Variants in TMEM132B observed in about 807,000 individuals in gnomAD.
TMEM132B encodes transmembrane protein 132B.
In TMEM132B, 18 loss-of-function variants were observed where a neutral mutation model predicts 90.8. The observed-to-expected ratio is 0.20, with a 90% confidence interval of 0.14 to 0.29. The LOEUF (loss-of-function observed/expected upper bound fraction) is 0.29, where lower values mean the gene tolerates loss of function less well. TMEM132B is among the 10% of genes least tolerant of loss of function. The pLI is 1.00. For synonymous variants in TMEM132B, 504 were observed against 523.3 expected, an observed-to-expected ratio of 0.96 and a Z score of 0.50; for missense variants, 1,096 against 1,326.8, an observed-to-expected ratio of 0.83 and a Z score of 2.70.
intron 3 of TMEM132B, among the ~76,000 whole-genome samples, chr12:125,513,537 TCAAA>T (rs1353999186): frequency 2.0e-5 from 3 of 152,208 alleles, no homozygotes; most frequent in Non-Finnish European, 4.4e-5. Context: ...CTGGCAGCCT[TCAAA>T]CAAAGACTTG....
At chr12:125,441,853 A>G (rs944969750) in intron 3 of TMEM132B, among the ~76,000 whole-genome samples, 2 of 152,232 alleles carry the variant, frequency 1.3e-5, no homozygotes, top group Admixed American at 1.3e-4. Context: ...AATGCAATAG[A>G]AAATGAAAAG....
chr12:125,453,874 C>T (rs1881220328), intron 3 of TMEM132B, among the ~76,000 whole-genome samples: 1 of 152,200 alleles, frequency 6.6e-6, no homozygotes, highest in Admixed American at 6.5e-5. Flanking sequence ...CTCTGCTTGT[C>T]ACCATGCCAC....
Position 125,295,859 on chromosome 12 carries a change from G to A in TMEM132B, c.68-53593G>A, listed in dbSNP as rs369418743. ...GTTCATCTCCAGGATTAAATAAAAC[G>A]ATGCATAACACAATCAGGCGGCACT... is the stretch of plus-strand genomic sequence containing the variant. On this transcript the variant is annotated intron_variant, in intron 1 of 8. Coordinates refer to ENST00000682704, the MANE Select transcript of TMEM132B (RefSeq NM_001366854.1). Among the ~76,000 whole-genome samples, 27 of 152,302 alleles carry A rather than the reference G, an allele frequency of 1.8e-4. No individual in the cohort carries two copies. In the South Asian group the frequency reaches 5.6e-3, roughly 32 times the overall value.
chr12:125,596,929 A>G (rs1025680689), intron 5 of TMEM132B, among the ~76,000 whole-genome samples: 5 of 152,198 alleles, frequency 3.3e-5, no homozygotes, highest in African/African-American at 1.2e-4. Context: ...TGAAGGCCAC[A>G]TGTAGGGACA....
intron 5 of TMEM132B, among the ~76,000 whole-genome samples, chr12:125,614,453 T>A (rs1363359673): frequency 6.6e-6 from 1 of 152,206 alleles, no homozygotes; most frequent in Non-Finnish European, 1.5e-5. Context: ...TTTCATTCTT[T>A]TTTTATGGCT....
At chr12:125,235,122 G>A (rs1473452448) in intron 1 of TMEM132B, among the ~76,000 whole-genome samples, 1 of 152,090 alleles carries the variant, frequency 6.6e-6, no homozygotes, top group Non-Finnish European at 1.5e-5. Flanking sequence ...TGGTCATGGT[G>A]GACTCTGGAT....
chr12:125,548,402 T>A (rs374046812), intron 4 of TMEM132B, among the ~76,000 whole-genome samples: 61 of 152,334 alleles, frequency 4.0e-4, no homozygotes, highest in Middle Eastern at 3.4e-3. Context: ...TACTTTTTTT[T>A]ATTAAAAAAT....
At chr12:125,652,667 T>G in intron 8 of TMEM132B, 35 bp downstream of exon 8, 1 of 1,578,782 alleles carries the variant, frequency 6.3e-7, no homozygotes, top group African/African-American at 1.3e-5. Flanking sequence ...CCTTGGTCAG[T>G]GGGGATGACT....
At chr12:125,583,451 T>A (rs1220245482) in intron 4 of TMEM132B, among the ~76,000 whole-genome samples, 1 of 152,152 alleles carries the variant, frequency 6.6e-6, no homozygotes, top group Non-Finnish European at 1.5e-5. Flanking sequence ...ATGTTCACTA[T>A]GTTAATAAGC....
In TMEM132B at chr12:125,660,656, A is replaced by G. The variant is rs1887188548; in HGVS notation, c.*5946A>G. ...ACCATCATTTTCCAGATAAGAAATA[A>G]CAGTTCAAGTTCATTAGGGAAATTA... On this transcript the variant is annotated 3_prime_UTR_variant, in exon 9 of 9. Coordinates refer to ENST00000682704, the MANE Select transcript of TMEM132B (RefSeq NM_001366854.1). 1 of 152,242 alleles carries G rather than the reference A, an allele frequency of 6.6e-6. No individual in the cohort carries two copies. Among genetic ancestry groups the G allele is most frequent in the African/African-American group, 2.4e-5 (1 of 41,466 alleles). The allele number at this position is 152,242 out of a possible 1,614,324, so 9.4% of individuals were successfully genotyped here. A position where few individuals can be genotyped will look rare whatever the true frequency, so the allele number is the denominator to read the frequency against.
At chr12:125,532,965 T>A (rs1450875357) in intron 4 of TMEM132B, among the ~76,000 whole-genome samples, 1 of 152,200 alleles carries the variant, frequency 6.6e-6, no homozygotes, top group South Asian at 2.1e-4. Context: ...GCAAGCCTGA[T>A]ATTTATGTTT....
At chr12:125,201,597 G>C (rs1026631037) in intron 1 of TMEM132B, among the ~76,000 whole-genome samples, 1 of 152,218 alleles carries the variant, frequency 6.6e-6, no homozygotes, top group African/African-American at 2.4e-5. Flanking sequence ...ATGAACTTAG[G>C]CAGCAGGCTG....
chr12:125,330,834 G>A (rs973439465), intron 1 of TMEM132B, among the ~76,000 whole-genome samples: 1 of 152,226 alleles, frequency 6.6e-6, no homozygotes, highest in Non-Finnish European at 1.5e-5. Flanking sequence ...CTGAGGCCAG[G>A]AGTTTGGGAC....
chr12:125,645,990 T>A (rs942760860), intron 6 of TMEM132B, among the ~76,000 whole-genome samples: 1 of 152,162 alleles, frequency 6.6e-6, no homozygotes, highest in African/African-American at 2.4e-5. Flanking sequence ...ACGTGGGTGT[T>A]AAAGACATTG....
At chr12:125,470,853 C>T (rs1881698694) in intron 3 of TMEM132B, among the ~76,000 whole-genome samples, 1 of 152,230 alleles carries the variant, frequency 6.6e-6, no homozygotes, top group South Asian at 2.1e-4. Context: ...AGTCATTTTT[C>T]CCTCCTTCAG....
intron 1 of TMEM132B, among the ~76,000 whole-genome samples, chr12:125,270,289 C>T (rs1174752122): frequency 6.6e-6 from 1 of 152,060 alleles, no homozygotes; most frequent in Non-Finnish European, 1.5e-5. Flanking sequence ...GGTGCACCAC[C>T]ATGCATCCTA....
At chr12:125,247,082 A>G (rs1422275081) in intron 1 of TMEM132B, among the ~76,000 whole-genome samples, 1 of 152,216 alleles carries the variant, frequency 6.6e-6, no homozygotes, top group Non-Finnish European at 1.5e-5. Flanking sequence ...GGTTGCTTCC[A>G]GTAATGACGC....
intron 3 of TMEM132B, among the ~76,000 whole-genome samples, chr12:125,446,771 C>G (rs1373711688): frequency 6.6e-6 from 1 of 152,132 alleles, no homozygotes; most frequent in Non-Finnish European, 1.5e-5. Flanking sequence ...CCTCAGGAAG[C>G]CACCAAGACT....
intron 5 of TMEM132B, among the ~76,000 whole-genome samples, chr12:125,623,715 G>A (rs567667122): frequency 6.6e-6 from 1 of 152,324 alleles, no homozygotes; most frequent in East Asian, 1.9e-4. Context: ...TTGCAGATGA[G>A]TCAGTCTCCT....
Sources: allele counts gnomAD v4.1 joint callset (sites outside exome capture counted in the v4.1 genomes callset), GRCh38; gene constraint gnomAD v4.1.1; transcripts MANE v1.5; gene names NCBI Gene and HGNC (gene_info 2026-07-23, HGNC 2026-07-21).